Variants in NXPH1 observed in about 807,000 individuals in gnomAD.
The protein encoded by NXPH1 is neurexophilin-1.
A neutral mutation model predicts 23.7 loss-of-function variants in NXPH1; 5 were observed. The ratio of observed to expected loss-of-function variants is 0.21; its 90% CI spans 0.11 to 0.44. The LOEUF (loss-of-function observed/expected upper bound fraction) is 0.44, where lower values mean the gene tolerates loss of function less well. NXPH1 is among the 20% of genes least tolerant of loss of function. The pLI is 0.99. For missense variants in NXPH1, 324 were observed against 321.6 expected, an observed-to-expected ratio of 1.01 and a Z score of -0.06; for synonymous variants, 144 against 122.2, an observed-to-expected ratio of 1.18 and a Z score of -1.18.
chr7:8,525,006 C>T (rs1353000511), intron 2 of NXPH1, among the ~76,000 whole-genome samples: 1 of 152,170 alleles, frequency 6.6e-6, no homozygotes, highest in African/African-American at 2.4e-5. Flanking sequence ...AACTCGTAAA[C>T]AGGCTTAGGT....
chr7:8,508,050 C>T (rs1206633814), intron 2 of NXPH1, among the ~76,000 whole-genome samples: 1 of 152,078 alleles, frequency 6.6e-6, no homozygotes, highest in Non-Finnish European at 1.5e-5. Context: ...ACCTGGTACC[C>T]ATCCAATATT....
At chr7:8,674,140 C>A (rs968269448) in intron 2 of NXPH1, among the ~76,000 whole-genome samples, 1 of 149,070 alleles carries the variant, frequency 6.7e-6, no homozygotes, top group Admixed American at 6.8e-5. Flanking sequence ...TAATCAATGT[C>A]CCTAGTACTT....
chr7:8,454,521 G>A (rs1313976783), intron 2 of NXPH1, among the ~76,000 whole-genome samples: 1 of 152,080 alleles, frequency 6.6e-6, no homozygotes, highest in Admixed American at 6.6e-5. Flanking sequence ...TATTGATTGG[G>A]AAGTGTCAGA....
chr7:8,638,549 A>G (rs1820255207), intron 2 of NXPH1, among the ~76,000 whole-genome samples: 1 of 152,236 alleles, frequency 6.6e-6, no homozygotes, highest in African/African-American at 2.4e-5. Flanking sequence ...GAACGAAGGA[A>G]TGCCTTATTT....
intron 2 of NXPH1, among the ~76,000 whole-genome samples, chr7:8,542,870 T>G (rs1338060038): frequency 1.3e-5 from 2 of 151,576 alleles, no homozygotes; most frequent in Non-Finnish European, 3.0e-5. Flanking sequence ...GAAAGACTTA[T>G]TCAACAAATA....
rs1816176804 is a variant in NXPH1 at position 8,435,508 on chromosome 7, T to TC, written c.-110-91dup. 1 of 564,146 alleles carries TC rather than the reference T, an allele frequency of 1.8e-6. No individual in the cohort carries two copies. Among genetic ancestry groups the TC allele is most frequent in the African/African-American group, 1.9e-5 (1 of 52,030 alleles). 34.9% of individuals were successfully genotyped at this position (564,146 alleles called of 1,614,324 possible). On this transcript the variant is annotated intron_variant, in intron 1 of 2. Coordinates refer to ENST00000405863, the MANE Select transcript of NXPH1 (RefSeq NM_152745.3). This position sits in a 1 kb window ranked among gnomAD's most constrained non-coding sequence, Gnocchi z 5.9. ...TACCCTCCCTCCCTTTTTTTTTTGG[T>TC]CCCCCACTCCCCGCTACGACCCCCT...
intron 2 of NXPH1, among the ~76,000 whole-genome samples, chr7:8,635,246 T>C (rs1272462120): frequency 6.6e-6 from 1 of 152,200 alleles, no homozygotes; most frequent in Middle Eastern, 3.2e-3. Flanking sequence ...GAATGACAGC[T>C]ATTAGCAGGC....
intron 2 of NXPH1, among the ~76,000 whole-genome samples, chr7:8,455,716 T>C (rs1402029337): frequency 6.6e-6 from 1 of 152,208 alleles, no homozygotes; most frequent in Non-Finnish European, 1.5e-5. Flanking sequence ...GCCTGCTGCT[T>C]ATCAGCATCC....
intron 2 of NXPH1, among the ~76,000 whole-genome samples, chr7:8,583,199 A>G (rs1818915570): frequency 6.6e-6 from 1 of 152,186 alleles, no homozygotes; most frequent in Non-Finnish European, 1.5e-5. Context: ...TTGTCTGCCA[A>G]TCTGTATATC....
At chr7:8,676,264 T>C (rs1198869657) in intron 2 of NXPH1, among the ~76,000 whole-genome samples, 1 of 152,168 alleles carries the variant, frequency 6.6e-6, no homozygotes, top group African/African-American at 2.4e-5. Context: ...TGTAACTAGT[T>C]TAAAAACAGT....
chr7:8,582,293 G>A (rs990396440), intron 2 of NXPH1, among the ~76,000 whole-genome samples: 6 of 152,204 alleles, frequency 3.9e-5, no homozygotes, highest in Admixed American at 2.0e-4. Flanking sequence ...TATGGTGAGT[G>A]GGGTCTGTGT....
intron 2 of NXPH1, among the ~76,000 whole-genome samples, chr7:8,518,218 T>C (rs1345337542): frequency 6.6e-6 from 1 of 152,182 alleles, no homozygotes; most frequent in African/African-American, 2.4e-5. Context: ...TTTTCTTCCA[T>C]ATTAAGAACG....
At chr7:8,699,345 T>C (rs771475948) in intron 2 of NXPH1, among the ~76,000 whole-genome samples, 2 of 152,122 alleles carry the variant, frequency 1.3e-5, no homozygotes, top group Non-Finnish European at 2.9e-5. Context: ...ACTAATTGTT[T>C]ATTAGAAAAG....
chr7:8,643,165 G>A (rs914912986), intron 2 of NXPH1, among the ~76,000 whole-genome samples: 1 of 91,662 alleles, frequency 1.1e-5, no homozygotes, highest in Non-Finnish European at 2.7e-5. Context: ...GCCCGGCCAG[G>A]CATACACTTT....
intron 2 of NXPH1, among the ~76,000 whole-genome samples, chr7:8,697,666 A>G (rs926557056): frequency 6.6e-6 from 1 of 152,186 alleles, no homozygotes; most frequent in African/African-American, 2.4e-5. Context: ...GAGGATCATG[A>G]TTTGAGGAGA....
intron 2 of NXPH1, among the ~76,000 whole-genome samples, chr7:8,467,471 C>T (rs1343982441): frequency 2.0e-5 from 3 of 152,138 alleles, no homozygotes; most frequent in African/African-American, 7.2e-5. Context: ...ACACTAATTT[C>T]CTGAGTTTCC....
At chr7:8,709,064 C>A (rs1180985000) in intron 2 of NXPH1, among the ~76,000 whole-genome samples, 1 of 152,070 alleles carries the variant, frequency 6.6e-6, no homozygotes, top group Non-Finnish European at 1.5e-5. Flanking sequence ...GTTTATTTAT[C>A]TTAAAATAGT....
intron 2 of NXPH1, among the ~76,000 whole-genome samples, chr7:8,618,131 G>C (rs1488891434): frequency 6.6e-6 from 1 of 152,092 alleles, no homozygotes; most frequent in African/African-American, 2.4e-5. Context: ...TATGATTTCT[G>C]TCCAACCTAC....
chr7:8,635,513 C>T (rs1488479511), intron 2 of NXPH1, among the ~76,000 whole-genome samples: 1 of 151,956 alleles, frequency 6.6e-6, no homozygotes, highest in African/African-American at 2.4e-5. Flanking sequence ...TTATCAAGAC[C>T]ACTGCTAAAT....
Sources: gnomAD v4.1 joint callset for allele counts (sites outside exome capture counted in the v4.1 genomes callset) on GRCh38, gnomAD v4.1.1 for gene constraint, Gnocchi (gnomAD v3.1) non-coding constraint, MANE v1.5 for transcripts, NCBI Gene and HGNC (gene_info 2026-07-23, HGNC 2026-07-21) for gene names.